Variants in ADGB observed in about 807,000 individuals in gnomAD.
ADGB encodes the protein calpain-7-like protein.
In ADGB, 172 loss-of-function variants were observed where a neutral mutation model predicts 210.5. The ratio of observed to expected loss-of-function variants is 0.82; its 90% CI spans 0.72 to 0.93. The LOEUF (loss-of-function observed/expected upper bound fraction) is 0.93, where lower values mean the gene tolerates loss of function less well. Among genes scored for constraint, ADGB ranks in the 40% least tolerant of loss-of-function variants. The pLI is 0.00. For synonymous variants in ADGB, 658 were observed against 662.7 expected, an observed-to-expected ratio of 0.99 and a Z score of 0.11; for missense variants, 2,025 against 1,964.8, an observed-to-expected ratio of 1.03 and a Z score of -0.58.
intron 35 of ADGB, among the ~76,000 whole-genome samples, chr6:146,803,991 T>C (rs1195596111): frequency 6.6e-6 from 1 of 152,054 alleles, no homozygotes; most frequent in Non-Finnish European, 1.5e-5. Flanking sequence ...AAGATGAAAA[T>C]AGTTGGGTTT....
At chr6:146,657,126 ACCAG>A (rs1210899390) in intron 5 of ADGB, 146 bp downstream of exon 5, 1 of 713,382 alleles carries the variant, frequency 1.4e-6, no homozygotes, top group Non-Finnish European at 2.2e-6. Flanking sequence ...GGAGTTCGCA[ACCAG>A]CCTGGGCAAC....
chr6:146,808,613 A>G (rs561794280), intron 35 of ADGB, among the ~76,000 whole-genome samples: 1 of 152,324 alleles, frequency 6.6e-6, no homozygotes, highest in South Asian at 2.1e-4. Context: ...CAAAACTCTC[A>G]TAGTATTTTT....
chr6:146,726,833 A>G (rs73786723), intron 19 of ADGB, among the ~76,000 whole-genome samples: 6,857 of 152,200 alleles, frequency 0.045, 357 homozygotes, highest in African/African-American at 0.13. Flanking sequence ...GTCCTTTTTA[A>G]TAGAGTTTAA....
chr6:146,627,993 C>A (rs1274069710), intron 1 of ADGB, among the ~76,000 whole-genome samples: 1 of 152,042 alleles, frequency 6.6e-6, no homozygotes, highest in East Asian at 1.9e-4. Context: ...TGTATTTTGT[C>A]CAGATTTTGT....
chr6:146,814,466 A>G lies in ADGB; in HGVS notation c.4819-566A>G, dbSNP rs114667530. ...CAGTTGATCCAGGAGGAGAGAGTGCAGTTAAGCAAGAATAAGAACAACAAA... is the reference window on the plus strand; with the variant it reads ...CAGTTGATCCAGGAGGAGAGAGTGCGGTTAAGCAAGAATAAGAACAACAAA... On this transcript the variant is annotated intron_variant, in intron 35 of 35. Transcript: ENST00000397944. Among the ~76,000 whole-genome samples the G allele has an allele frequency of 3.4e-3, 524 of 152,326 alleles. 3 individuals are homozygous for G. The highest frequency in any genetic ancestry group is 0.012 in the African/African-American group (499 of 41,584).
At chr6:146,725,872 T>C (rs2114577146) in intron 18 of ADGB, 1 of 420,900 alleles carries the variant, frequency 2.4e-6, no homozygotes, top group East Asian at 3.5e-5. Context: ...ACTATTTTTG[T>C]CCTACATAAT....
At chr6:146,715,538 G>T in intron 14 of ADGB, 123 bp downstream of exon 14, 1 of 598,598 alleles carries the variant, frequency 1.7e-6, no homozygotes, top group Non-Finnish European at 2.8e-6. Flanking sequence ...CCTTTGATTT[G>T]CTGAGTCTAG....
At chr6:146,660,120 C>T (rs2114889068) in intron 5 of ADGB, among the ~76,000 whole-genome samples, 1 of 152,244 alleles carries the variant, frequency 6.6e-6, no homozygotes, top group Middle Eastern at 3.4e-3. Context: ...ACATCCACTT[C>T]CCATGCCCCA....
chr6:146,658,360 A>G (rs1452959294), intron 5 of ADGB, among the ~76,000 whole-genome samples: 1 of 152,102 alleles, frequency 6.6e-6, no homozygotes, highest in Non-Finnish European at 1.5e-5. Flanking sequence ...TGTGCAGAGG[A>G]GCAAGCAGAA....
At chr6:146,811,602 A>AT (rs1476810584) in intron 35 of ADGB, among the ~76,000 whole-genome samples, 1 of 152,028 alleles carries the variant, frequency 6.6e-6, no homozygotes, top group African/African-American at 2.4e-5. Context: ...ACTTTCAGAT[A>AT]TTTTTTGCTA....
chr6:146,752,642 T>G lies in ADGB; in HGVS notation c.3478T>G (p.Ser1160Ala). The change falls in exon 27 of 36, where the codon TCC becomes GCC. Residue 1160 changes from serine to alanine, a missense_variant. Transcript: ENST00000397944. Reference protein sequence around the residue: ...VLENEETMVSSTGKGQAIIPA... With the variant: ...VLENEETMVSATGKGQAIIPA... Reference sequence around the variant, plus strand: ...AGAAAATGAAGAAACTATGGTGAGCTCCACTGGAAAAGGCCAAGCTATAAT... The same window carrying G: ...AGAAAATGAAGAAACTATGGTGAGCGCCACTGGAAAAGGCCAAGCTATAAT... 2.6e-6 allele frequency: 4 copies of G among 1,550,986 alleles called. No individual in the cohort carries two copies. Among genetic ancestry groups the G allele is most frequent in the Non-Finnish European group, 2.6e-6 (3 of 1,146,468 alleles).
At chr6:146,662,127 C>T (rs1386178303) in intron 5 of ADGB, among the ~76,000 whole-genome samples, 1 of 152,000 alleles carries the variant, frequency 6.6e-6, no homozygotes, top group African/African-American at 2.4e-5. Context: ...TAAGTTTATC[C>T]TATTTGGTTT....
chr6:146,737,057 T>C (rs1251906218), intron 23 of ADGB, among the ~76,000 whole-genome samples: 1 of 150,624 alleles, frequency 6.6e-6, no homozygotes, highest in East Asian at 2.0e-4. Flanking sequence ...ACACACCCAC[T>C]CACCTCCCCG....
intron 25 of ADGB, among the ~76,000 whole-genome samples, chr6:146,743,916 A>G (rs1449974040): frequency 9.3e-6 from 1 of 107,862 alleles, no homozygotes; most frequent in African/African-American, 5.2e-5. Flanking sequence ...CTCCATCTCC[A>G]AAAAGAAAAA....
chr6:146,675,068 CAG>C (rs1776067886), intron 8 of ADGB, among the ~76,000 whole-genome samples: 2 of 151,842 alleles, frequency 1.3e-5, no homozygotes, highest in Admixed American at 6.6e-5. Context: ...TTTTTAAAAA[CAG>C]AAACTTCTTG....
In ADGB at chr6:146,715,490, C is replaced by T. The variant is rs9497610; in HGVS notation, c.1741+75C>T. ...GAGGGGCATCTCTGCTTCTTGACAG[C>T]TTCCCTTCTGGCTCTCAGCAGCCTT... On this transcript the variant is annotated intron_variant, in intron 14 of 35. Coordinates refer to ENST00000397944, the MANE Select transcript of ADGB (RefSeq NM_024694.4). 19,030 of 1,037,266 alleles carry T rather than the reference C, an allele frequency of 0.018. 2,288 individuals carry two copies. The African/African-American group carries it at 0.27, about 15-fold the overall frequency. The allele number at this position is 1,037,266 out of a possible 1,614,324, so 64.3% of individuals were successfully genotyped here. A position where few individuals can be genotyped will look rare whatever the true frequency, so the allele number is the denominator to read the frequency against.
At chr6:146,664,158 G>A in intron 5 of ADGB, 43 bp from the exon 6 acceptor site, 1 of 1,497,186 alleles carries the variant, frequency 6.7e-7, no homozygotes. Flanking sequence ...AGAAAAGACT[G>A]TAAGCCATTG....
In ADGB at chr6:146,672,293, A is replaced by T. The variant is rs1182214219; in HGVS notation, c.913A>T (p.Ser305Cys). The change falls in exon 8 of 36, where the codon AGC (serine) becomes TGC (cysteine). Residue 305 changes from serine (S) to cysteine (C), a missense_variant. Physicochemically the swap from Ser to Cys is moderately radical, Grantham distance 112. Coordinates refer to ENST00000397944, the MANE Select transcript of ADGB (RefSeq NM_024694.4). ...LPEFKLSDEASSESKIAVLDS... is the reference protein window; with the variant it reads ...LPEFKLSDEACSESKIAVLDS... ...TGAGTTTAAGCTGTCAGATGAGGCC[A>T]GCTCTGAAAGCAAAATAGCAGTGTT... The T allele has an allele frequency of 6.4e-7, 1 of 1,551,244 alleles. No individual in the cohort carries two copies. Among genetic ancestry groups the T allele is most frequent in the Non-Finnish European group, 8.7e-7 (1 of 1,146,796 alleles).
chr6:146,730,118 T>A (rs972390749), intron 20 of ADGB, among the ~76,000 whole-genome samples: 6 of 152,164 alleles, frequency 3.9e-5, no homozygotes, highest in African/African-American at 1.4e-4. Flanking sequence ...ACTGTCCTAG[T>A]ATACTTCTAA....
Sources: allele counts gnomAD v4.1 joint callset (sites outside exome capture counted in the v4.1 genomes callset), GRCh38; gene constraint gnomAD v4.1.1; transcripts MANE v1.5; gene names NCBI Gene and HGNC (gene_info 2026-07-23, HGNC 2026-07-21).